SPIN1: variants seen among roughly 807,000 people sequenced by gnomAD.
SPIN1 encodes the protein spindlin 1.
A neutral mutation model predicts 26.0 loss-of-function variants in SPIN1; 3 were observed. That is an observed-to-expected ratio of 0.12 (90% CI 0.05 to 0.30). SPIN1 has a LOEUF of 0.30. SPIN1 is among the 10% of genes least tolerant of loss of function. The probability of loss-of-function intolerance (pLI) is 1.00; values close to 1 mark genes in which losing one functional copy is unlikely to be tolerated. For synonymous variants in SPIN1, 101 were observed against 116.5 expected (o/e 0.87, Z 0.86); for missense variants, 126 against 333.4 (o/e 0.38, Z 4.84).
chr9:88,451,472 T>G (rs763871812), intron 3 of SPIN1, among the ~76,000 whole-genome samples: 4 of 152,230 alleles, frequency 2.6e-5, no homozygotes, highest in Non-Finnish European at 5.9e-5. Flanking sequence ...CACCTTGTGG[T>G]GTTTTGGGTG....
intron 1 of SPIN1, among the ~76,000 whole-genome samples, chr9:88,402,004 T>C (rs1827197269): frequency 6.6e-6 from 1 of 152,152 alleles, no homozygotes; most frequent in Non-Finnish European, 1.5e-5. Context: ...TATCTTTTTG[T>C]TTTTGAGATG....
intron 4 of SPIN1, among the ~76,000 whole-genome samples, chr9:88,466,079 ATT>A (rs1361163117): frequency 1.3e-5 from 2 of 152,154 alleles, no homozygotes. Flanking sequence ...TTTGTTTTTC[ATT>A]TTCTGAAGTA....
intron 1 of SPIN1, among the ~76,000 whole-genome samples, chr9:88,422,816 T>C (rs1297913871): frequency 1.3e-5 from 2 of 152,028 alleles, no homozygotes; most frequent in Non-Finnish European, 2.9e-5. Context: ...TTCAGGCGAT[T>C]CTCCTGCCTC....
intron 1 of SPIN1, among the ~76,000 whole-genome samples, chr9:88,398,419 C>G (rs1486488644): frequency 6.6e-6 from 1 of 152,028 alleles, no homozygotes; most frequent in Non-Finnish European, 1.5e-5. Context: ...AATTACTTTT[C>G]TGGTATCTAG....
intron 1 of SPIN1, among the ~76,000 whole-genome samples, chr9:88,421,425 C>T (rs1400836659): frequency 6.6e-6 from 1 of 152,032 alleles, no homozygotes; most frequent in Admixed American, 6.6e-5. Context: ...ACCTCAGCCT[C>T]CTGAGTAGCT....
chr9:88,427,127 G>C (rs1160024151), intron 2 of SPIN1, among the ~76,000 whole-genome samples: 1 of 152,062 alleles, frequency 6.6e-6, no homozygotes, highest in Non-Finnish European at 1.5e-5. Context: ...AAATCTTATA[G>C]AATACCCTAT....
rs965670803 is a variant in SPIN1, at chr9:88,478,025, A to G, written c.*2748A>G. On this transcript the variant is annotated 3_prime_UTR_variant, in exon 6 of 6. Coordinates refer to ENST00000375859, the MANE Select transcript of SPIN1 (RefSeq NM_006717.3). ...TTTTTATTTGTTTTCAGTTTCCTGT[A>G]TATTTGCTTACTGTGCCGTTTTAGT... The G allele has an allele frequency of 1.3e-5, 2 of 152,102 alleles. No individual in the cohort carries two copies. The highest frequency in any genetic ancestry group is 2.9e-5 in the Non-Finnish European group (2 of 68,020). The allele number at this position is 152,102 out of a possible 1,614,324, so 9.4% of individuals were successfully genotyped here. A position where few individuals can be genotyped will look rare whatever the true frequency, so the allele number is the denominator to read the frequency against.
Position 88,475,202 on chromosome 9 carries a change from C to T in SPIN1, c.714C>T (p.Ala238=). 1 of 1,613,852 alleles carries T rather than the reference C, an allele frequency of 6.2e-7. No individual in the cohort carries two copies. The highest frequency in any genetic ancestry group is 2.2e-5 in the East Asian group (1 of 44,862). The part of the protein sequence containing the change: ...RTGMVIHQVE[A]KPSVYFIKFD... ...GCATGGTCATTCATCAAGTAGAAGC[C>T]AAGCCCTCCGTCTATTTCATCAAGT... Residue 238 remains alanine (A), a synonymous_variant, in exon 6 of 6, where the codon GCC becomes GCT. Coordinates refer to ENST00000375859, the MANE Select transcript of SPIN1 (RefSeq NM_006717.3).
intron 2 of SPIN1, among the ~76,000 whole-genome samples, chr9:88,437,286 C>CTGA (rs1288344150): frequency 3.9e-5 from 6 of 151,940 alleles, no homozygotes; most frequent in Admixed American, 3.9e-4. Context: ...TCTCTTGAGC[C>CTGA]TGAGAATTCT....
chr9:88,403,012 A>G (rs1587774028), intron 1 of SPIN1, among the ~76,000 whole-genome samples: 1 of 152,170 alleles, frequency 6.6e-6, no homozygotes, highest in African/African-American at 2.4e-5. Context: ...GTAAGGTGCT[A>G]TCTCATTGTA....
chr9:88,476,901 T>C lies in SPIN1; in HGVS notation c.*1624T>C, dbSNP rs1404289192. 1.3e-5 allele frequency: 2 copies of C among 152,192 alleles called. No homozygotes were observed. Among genetic ancestry groups the C allele is most frequent in the Non-Finnish European group, 2.9e-5 (2 of 68,056 alleles). The allele number at this position is 152,192 out of a possible 1,614,324, so 9.4% of individuals were successfully genotyped here. ...TGAATCAGAGGTCTGAGTGACCTCT[T>C]TTGTGGCTGTTCTTGATGGTTTCCA... On this transcript the variant is annotated 3_prime_UTR_variant, in exon 6 of 6. Coordinates refer to ENST00000375859, the MANE Select transcript of SPIN1 (RefSeq NM_006717.3).
intron 1 of SPIN1, among the ~76,000 whole-genome samples, chr9:88,407,376 C>A (rs573830389): frequency 6.6e-5 from 10 of 151,988 alleles, no homozygotes; most frequent in African/African-American, 1.9e-4. Flanking sequence ...AACTGCTGAT[C>A]CCTAGTGATC....
At position 88,477,370 on chromosome 9, in the gene SPIN1, A is replaced by G. The variant is rs1465554729; in HGVS notation, c.*2093A>G. On this transcript the variant is annotated 3_prime_UTR_variant, in exon 6 of 6. Coordinates refer to ENST00000375859, the MANE Select transcript of SPIN1 (RefSeq NM_006717.3). ...TTGGGTCAATTGAGACATTTCTAGC[A>G]TTACTTAATGACTTGCATTGTGGTT... 1 of 152,196 alleles carries G rather than the reference A, an allele frequency of 6.6e-6. No individual in the cohort carries two copies. Among genetic ancestry groups the G allele is most frequent in the Admixed American group, 6.5e-5 (1 of 15,284 alleles). 9.4% of individuals were successfully genotyped at this position (152,196 alleles called of 1,614,324 possible).
intron 2 of SPIN1, among the ~76,000 whole-genome samples, chr9:88,434,693 T>C (rs1464679843): frequency 6.6e-6 from 1 of 152,208 alleles, no homozygotes; most frequent in East Asian, 1.9e-4. Context: ...TGTGTGGCTG[T>C]ACCATATTCA....
chr9:88,451,735 A>G (rs1031894945), intron 3 of SPIN1, among the ~76,000 whole-genome samples: 1 of 152,020 alleles, frequency 6.6e-6, no homozygotes, highest in Admixed American at 6.6e-5. Context: ...TAATTTTTGT[A>G]TTTTTAGTAT....
intron 3 of SPIN1, among the ~76,000 whole-genome samples, chr9:88,455,281 A>G (rs752056413): frequency 3.3e-5 from 5 of 152,220 alleles, no homozygotes; most frequent in African/African-American, 9.6e-5. Flanking sequence ...CCTGATCAAC[A>G]TGATATCTCC....
At chr9:88,390,550 C>T (rs1826897381) in intron 1 of SPIN1, among the ~76,000 whole-genome samples, 2 of 152,064 alleles carry the variant, frequency 1.3e-5, no homozygotes, top group South Asian at 2.1e-4. Flanking sequence ...TTGGTTTATC[C>T]TTTAAAATAT....
At chr9:88,474,968 A>G in intron 5 of SPIN1, 110 bp from the exon 6 acceptor site, 1 of 1,116,652 alleles carries the variant, frequency 9.0e-7, no homozygotes, top group Non-Finnish European at 1.2e-6. Context: ...CAGGCTATTA[A>G]AATTTTTTTT....
intron 4 of SPIN1, among the ~76,000 whole-genome samples, chr9:88,464,758 A>T (rs1456599323): frequency 6.6e-6 from 1 of 152,146 alleles, no homozygotes; most frequent in African/African-American, 2.4e-5. Context: ...TTTTAATTGT[A>T]AAAAAACATA....
Sources: gnomAD v4.1 joint callset for allele counts (sites outside exome capture counted in the v4.1 genomes callset) on GRCh38, gnomAD v4.1.1 for gene constraint, MANE v1.5 for transcripts, NCBI Gene and HGNC (gene_info 2026-07-23, HGNC 2026-07-21) for gene names.